NINL: variants seen among roughly 807,000 people sequenced by gnomAD.
NINL encodes the protein ninein like.
Under a neutral mutation model 160.3 loss-of-function variants are expected in NINL, and 153 were observed. The observed-to-expected ratio is 0.95, with a 90% confidence interval of 0.84 to 1.09. The LOEUF is 1.09. NINL is among the 50% of genes least tolerant of loss of function. The probability of loss-of-function intolerance (pLI) is 0.00; values close to 1 mark genes in which losing one functional copy is unlikely to be tolerated. For synonymous variants in NINL, 800 were observed against 734.8 expected, an observed-to-expected ratio of 1.09 and a Z score of -1.43; for missense variants, 1,829 against 1,764.0, an observed-to-expected ratio of 1.04 and a Z score of -0.66.
intron 10 of NINL, among the ~76,000 whole-genome samples, chr20:25,492,569 A>G (rs1208442440): frequency 6.6e-6 from 1 of 151,988 alleles, no homozygotes; most frequent in East Asian, 1.9e-4. Context: ...CTCCTGCCTC[A>G]GCCTCCCGAG....
intron 1 of NINL, among the ~76,000 whole-genome samples, chr20:25,531,640 C>T (rs1165163665): frequency 6.6e-6 from 1 of 152,190 alleles, no homozygotes; most frequent in East Asian, 1.9e-4. Flanking sequence ...GACAAAACCT[C>T]CTGCATCGAA....
intron 3 of NINL, 29 bp from the exon 4 acceptor site, chr20:25,513,035 G>C (rs1045566408): frequency 1.9e-6 from 3 of 1,586,910 alleles, no homozygotes; most frequent in Admixed American, 3.5e-5. Context: ...ATTTGGTGGG[G>C]GTCCTTTATA....
Position 25,471,417 on chromosome 20 carries a change from A to G in NINL, c.3249-1322T>C, listed in dbSNP as rs1358070823. On this transcript the variant is annotated intron_variant, in intron 17 of 23. Transcript: ENST00000278886. ...AAGGCAGCAAAGGGTTTCAAGCAGGAGAGTTCTGTGTTTTTAAACTATCAC... is the reference window on the plus strand; with the variant it reads ...AAGGCAGCAAAGGGTTTCAAGCAGGGGAGTTCTGTGTTTTTAAACTATCAC... Among the ~76,000 whole-genome samples, 3 of 152,320 alleles carry G rather than the reference A, an allele frequency of 2.0e-5. No homozygotes were observed. The South Asian group carries it at 6.2e-4, about 32-fold the overall frequency.
intron 2 of NINL, among the ~76,000 whole-genome samples, chr20:25,518,633 T>C (rs1055045245): frequency 6.6e-6 from 1 of 152,242 alleles, no homozygotes; most frequent in African/African-American, 2.4e-5. Flanking sequence ...ACAAACTTTA[T>C]CCTTTAACTT....
In NINL at chr20:25,453,339, C is replaced by A; in HGVS notation, c.*112G>T. The A allele has an allele frequency of 1.1e-6, 1 of 936,202 alleles. No individual in the cohort carries two copies. The highest frequency in any genetic ancestry group is 1.6e-6 in the Non-Finnish European group (1 of 628,274). 58.0% of individuals were successfully genotyped at this position (936,202 alleles called of 1,614,324 possible). A position where few individuals can be genotyped will look rare whatever the true frequency, so the allele number is the denominator to read the frequency against. On this transcript the variant is annotated 3_prime_UTR_variant, in exon 24 of 24. Coordinates refer to ENST00000278886, the MANE Select transcript of NINL (RefSeq NM_025176.6). ...TATCTGCGGGGTGAACAAAGAATCC[C>A]AATCCTCAGATGTCCCAGGACTCAT...
Position 25,462,446 on chromosome 20 carries a change from A to G in NINL, c.3519T>C (p.His1173=). 1.2e-6 allele frequency: 2 copies of G among 1,614,182 alleles called. 1 individual carries two copies. The highest frequency in any genetic ancestry group is 3.3e-5 in the Admixed American group (2 of 60,022). Residue 1173 remains histidine (H), a synonymous_variant, in exon 20 of 24, where the codon CAT becomes CAC. Coordinates refer to ENST00000278886, the MANE Select transcript of NINL (RefSeq NM_025176.6). ...ASTHQAQNEE[H]RVTIQMLTQS... The stretch of plus-strand genomic sequence containing the variant: ...GTGTTAACATCTGAATGGTCACACG[A>G]TGCTCCTCGTTTTGGGCCTGGTGGG...
rs551453833 is a variant in NINL, at chr20:25,508,733, G to C, written c.517+1941C>G. Among the ~76,000 whole-genome samples, 4 of 152,346 alleles carry C rather than the reference G, an allele frequency of 2.6e-5. No homozygotes were observed. The South Asian group carries it at 8.3e-4, about 32-fold the overall frequency. ...GCCGGGCTCCAGCCTCTCCTCCCCAGTCACCTGCATCCCTGCACCCTGAAA... is the reference window on the plus strand; with the variant it reads ...GCCGGGCTCCAGCCTCTCCTCCCCACTCACCTGCATCCCTGCACCCTGAAA... On this transcript the variant is annotated intron_variant, in intron 5 of 23. Coordinates refer to ENST00000278886, the MANE Select transcript of NINL (RefSeq NM_025176.6).
chr20:25,554,798 C>G (rs553884782), intron 1 of NINL, among the ~76,000 whole-genome samples: 1 of 152,160 alleles, frequency 6.6e-6, no homozygotes, highest in East Asian at 1.9e-4. Context: ...CAGAGCAAAA[C>G]CATCTTAAAA....
Position 25,504,058 on chromosome 20 carries a change from T to G in NINL, c.755A>C (p.Lys252Thr). The G allele has an allele frequency of 6.2e-7, 1 of 1,608,026 alleles. No homozygotes were observed. Among genetic ancestry groups the G allele is most frequent in the Non-Finnish European group, 8.5e-7 (1 of 1,177,632 alleles). Residue 252 changes from lysine (K) to threonine (T), a missense_variant, in exon 7 of 24, where the codon AAA becomes ACA. Lys to Thr is a moderately conservative substitution (Grantham distance 78, BLOSUM62 -1). Transcript: ENST00000278886. ...AAGCTGGAATTCCTCAAGACTCACT[T>G]TGCCGTCTCCGTCTTGATCCAGTTT... ...FNKLDQDGDG[K>T]VSLEEFQLGL...
chr20:25,581,909 T>C (rs1423999552), intron 1 of NINL, among the ~76,000 whole-genome samples: 2 of 152,228 alleles, frequency 1.3e-5, no homozygotes, highest in Non-Finnish European at 2.9e-5. Context: ...ATGGGATAAG[T>C]ATGAGTTAGC....
chr20:25,501,546 C>T (rs149270028), intron 7 of NINL, among the ~76,000 whole-genome samples: 74 of 152,292 alleles, frequency 4.9e-4, no homozygotes, highest in African/African-American at 1.7e-3. Flanking sequence ...TCATGGGGTT[C>T]GACAATGAAG....
intron 4 of NINL, 94 bp from the exon 5 acceptor site, chr20:25,510,834 T>TG (rs1006839562): frequency 2.8e-5 from 27 of 956,580 alleles, no homozygotes; most frequent in African/African-American, 1.6e-5. Flanking sequence ...TTTGGGGAAG[T>TG]GGGGGATGGC....
chr20:25,466,616 A>G (rs2062919895), intron 19 of NINL, among the ~76,000 whole-genome samples: 1 of 151,950 alleles, frequency 6.6e-6, no homozygotes, highest in Non-Finnish European at 1.5e-5. Context: ...CCTGGCCAAC[A>G]TGGTGAAACC....
chr20:25,579,281 C>G (rs780266814), intron 1 of NINL, among the ~76,000 whole-genome samples: 20 of 152,170 alleles, frequency 1.3e-4, no homozygotes, highest in Non-Finnish European at 2.4e-4. Flanking sequence ...CTCGCACTCT[C>G]TGTGTGTGAG....
chr20:25,476,357 A>C lies in NINL; in HGVS notation c.2934T>G (p.Ile978Met). 6.2e-7 allele frequency: 1 copy of C among 1,612,112 alleles called. No homozygotes were observed. The highest frequency in any genetic ancestry group is 8.5e-7 in the Non-Finnish European group (1 of 1,179,884). Reference protein sequence around the residue: ...CRGQAERLQAIQEERARSWSR... With the variant: ...CRGQAERLQAMQEERARSWSR... ...TCCAGCTTCGTGCTCGCTCTTCCTGAATGGCCTGTAGCCTCTCAGCCTGTC... is the reference window on the plus strand; with the variant it reads ...TCCAGCTTCGTGCTCGCTCTTCCTGCATGGCCTGTAGCCTCTCAGCCTGTC... Residue 978 changes from isoleucine to methionine, a missense_variant, in exon 17 of 24, where the codon ATT becomes ATG. Coordinates refer to ENST00000278886, the MANE Select transcript of NINL (RefSeq NM_025176.6).
intron 14 of NINL, among the ~76,000 whole-genome samples, chr20:25,480,567 C>T (rs1050380639): frequency 6.6e-6 from 1 of 152,130 alleles, no homozygotes; most frequent in Non-Finnish European, 1.5e-5. Flanking sequence ...CCTGAAGATG[C>T]CAGGGTCACG....
chr20:25,523,441 C>T (rs184753336), intron 2 of NINL, among the ~76,000 whole-genome samples: 1 of 152,102 alleles, frequency 6.6e-6, no homozygotes, highest in African/African-American at 2.4e-5. Flanking sequence ...TCTGTAGAGA[C>T]GAGGTCTCAC....
intron 18 of NINL, among the ~76,000 whole-genome samples, chr20:25,469,675 G>A (rs1045659686): frequency 2.0e-5 from 3 of 152,164 alleles, no homozygotes; most frequent in African/African-American, 7.2e-5. Context: ...TAAGTGCGAC[G>A]TGCATCATCT....
chr20:25,581,450 A>AAG (rs1464286361), intron 1 of NINL, among the ~76,000 whole-genome samples: 2 of 151,636 alleles, frequency 1.3e-5, no homozygotes, highest in Non-Finnish European at 2.9e-5. Context: ...TCAGTTTAAA[A>AAG]AAAAAAAAAA....
Sources: gnomAD v4.1 joint callset for allele counts (sites outside exome capture counted in the v4.1 genomes callset) on GRCh38, gnomAD v4.1.1 for gene constraint, MANE v1.5 for transcripts, NCBI Gene and HGNC (gene_info 2026-07-23, HGNC 2026-07-21) for gene names.